The following PTCH1 variants were observed in gnomAD, a reference collection of about 807,000 sequenced individuals.
PTCH1 encodes protein patched homolog 1.
In PTCH1, 14 loss-of-function variants were observed where a neutral mutation model predicts 144.6. The observed-to-expected ratio is 0.10, with a 90% CI of 0.06 to 0.15. The LOEUF is 0.15. Ranked by LOEUF, PTCH1 falls within the 10% of genes least tolerant of loss-of-function variation. The pLI is 1.00. For synonymous variants in PTCH1, 833 were observed against 793.6 expected (o/e 1.05, Z -0.83); for missense variants, 1,623 against 1,948.3 (o/e 0.83, Z 3.14).
chr9:95,456,365 G>C lies in PTCH1; in HGVS notation c.3217C>G (p.Leu1073Val), dbSNP rs1336953843. 1 of 1,614,098 alleles carries C rather than the reference G, an allele frequency of 6.2e-7. No individual in the cohort carries two copies. Among genetic ancestry groups the C allele is most frequent in the Non-Finnish European group, 8.5e-7 (1 of 1,180,040 alleles). The part of the protein sequence containing the change: ...MTVELFGMMG[L>V]IGIKLSAVPV... ...ACGGCACTGAGCTTGATTCCGATGA[G>C]GCCCATCATGCCGAACAGCTCGACC... Residue 1073 changes from leucine to valine, a missense_variant, in exon 19 of 24, where the codon CTC (leucine) becomes GTC (valine). By Grantham distance (32) the Leu-to-Val change is conservative. This residue lies in a region of PTCH1 where 504 missense variants were observed against 679.3 expected (regional missense o/e 0.74). Coordinates refer to ENST00000331920, the MANE Select transcript of PTCH1 (RefSeq NM_000264.5).
intron 13 of PTCH1, 97 bp downstream of exon 13, chr9:95,469,716 G>A (rs1444393534): frequency 1.1e-5 from 13 of 1,223,436 alleles, no homozygotes; most frequent in Admixed American, 1.7e-5. Context: ...CACAAACCCC[G>A]TTACCCACAT....
At chr9:95,480,166 A>G in intron 6 of PTCH1, 76 bp from the exon 7 acceptor site, 5 of 1,601,682 alleles carry the variant, frequency 3.1e-6, no homozygotes, top group Non-Finnish European at 4.3e-6. Flanking sequence ...CCAGTGCATT[A>G]AGGGCTTGTG....
At chr9:95,482,334 G>T in intron 3 of PTCH1, 131 bp from the exon 4 acceptor site, 1 of 903,616 alleles carries the variant, frequency 1.1e-6, no homozygotes, top group South Asian at 1.5e-5. Context: ...AACGAGCAGA[G>T]CTTTTGCCAA....
rs2118907486 is a variant in PTCH1, at chr9:95,508,219, T to C, written c.143A>G (p.Asp48Gly). The change falls in exon 1 of 24, where the codon GAC becomes GGC. Residue 48 changes from aspartate (D) to glycine (G), a missense_variant. This residue lies in a region of PTCH1 where 245 missense variants were observed against 240.6 expected (regional missense o/e 1.02). Coordinates refer to ENST00000331920, the MANE Select transcript of PTCH1 (RefSeq NM_000264.5). ...GCAGTAGCTGGGCCGGTGCAGATAG[T>C]CCCGGTCCGGCGCGGCAGCACGGCG... ...GLRRAAAPDR[D>G]YLHRPSYCDA... 6.2e-7 allele frequency: 1 copy of C among 1,611,544 alleles called. No individual in the cohort carries two copies. Among genetic ancestry groups the C allele is most frequent in the South Asian group, 1.1e-5 (1 of 91,022 alleles).
Position 95,469,158 on chromosome 9 carries a change from A to G in PTCH1, c.1848-5T>C. 1 of 1,614,018 alleles carries G rather than the reference A, an allele frequency of 6.2e-7. No homozygotes were observed. The highest frequency in any genetic ancestry group is 8.5e-7 in the Non-Finnish European group (1 of 1,180,024). On this transcript the variant is annotated splice_region_variant and splice_polypyrimidine_tract_variant and intron_variant, in intron 13 of 23. Transcript: ENST00000331920. ...ATCACTCTGCTGACGCAGGGGCTGA[A>G]AGGAGGGGAAACATGTTGCAATGTT...
At chr9:95,474,741 C>T (rs753430635) in intron 12 of PTCH1, among the ~76,000 whole-genome samples, 5 of 152,254 alleles carry the variant, frequency 3.3e-5, no homozygotes, top group Non-Finnish European at 7.4e-5. Flanking sequence ...GTTCCTCTTA[C>T]ATGACAAATG....
At chr9:95,495,722 T>G (rs564478942) in intron 2 of PTCH1, among the ~76,000 whole-genome samples, 1 of 152,110 alleles carries the variant, frequency 6.6e-6, no homozygotes, top group East Asian at 1.9e-4. Context: ...AATAAGACAA[T>G]GTGGGCAGGA....
chr9:95,489,631 C>T (rs1325951417), intron 2 of PTCH1, among the ~76,000 whole-genome samples: 2 of 152,070 alleles, frequency 1.3e-5, no homozygotes, highest in African/African-American at 4.8e-5. Context: ...GGATTTCAGG[C>T]ATGACTTTTT....
At position 95,508,384 on chromosome 9, in the gene PTCH1, CCGCG is replaced by C; in HGVS notation, c.-27_-24del. 1 of 1,148,408 alleles carries C rather than the reference CCGCG, an allele frequency of 8.7e-7. No homozygotes were observed. Among genetic ancestry groups the C allele is most frequent in the Non-Finnish European group, 1.1e-6 (1 of 936,508 alleles). 71.1% of individuals were successfully genotyped at this position (1,148,408 alleles called of 1,614,324 possible). On this transcript the variant is annotated 5_prime_UTR_variant, in exon 1 of 24. Transcript: ENST00000331920. Reference sequence around the variant, plus strand: ...CATGTTGCCGCCGCCGCCGCCGCCGCCGCGGGGACGGAGGCTTCCCGGGCGGCCC... The same window carrying C: ...CATGTTGCCGCCGCCGCCGCCGCCGCGGGACGGAGGCTTCCCGGGCGGCCC...
intron 1 of PTCH1, chr9:95,507,138 G>A (rs1843739090): frequency 4.3e-6 from 4 of 919,578 alleles, no homozygotes; most frequent in African/African-American, 2.7e-5. Context: ...GGTGAGCGCG[G>A]CCGCCGGAGT....
intron 15 of PTCH1, among the ~76,000 whole-genome samples, chr9:95,463,444 C>T (rs1477434837): frequency 6.6e-6 from 1 of 152,142 alleles, no homozygotes; most frequent in Non-Finnish European, 1.5e-5. Flanking sequence ...GAGGCATGCA[C>T]ACACAGGGTA....
exon 1 of PTCH1, chr9:95,516,617 C>T: frequency 1.2e-6 from 2 of 1,608,140 alleles, no homozygotes; most frequent in Non-Finnish European, 1.7e-6. Flanking sequence ...CTCGTCTCCC[C>T]CTTGCCTTGT....
At chr9:95,488,006 C>T (rs578157552) in intron 2 of PTCH1, among the ~76,000 whole-genome samples, 1 of 152,156 alleles carries the variant, frequency 6.6e-6, no homozygotes, top group Admixed American at 6.5e-5. Flanking sequence ...ATATAATCCT[C>T]GAAGTGACCT....
chr9:95,506,043 G>C (rs1010597856), intron 2 of PTCH1, among the ~76,000 whole-genome samples: 5 of 148,172 alleles, frequency 3.4e-5, no homozygotes, highest in Admixed American at 1.3e-4. Flanking sequence ...AGCGGGGCCG[G>C]GAGAGGCCAG....
chr9:95,447,715 G>GC (rs1838086790), intron 22 of PTCH1, among the ~76,000 whole-genome samples: 1 of 152,226 alleles, frequency 6.6e-6, no homozygotes, highest in African/African-American at 2.4e-5. Context: ...ATAAATGTGG[G>GC]CTGTGGTCAG....
At chr9:95,481,885 C>G (rs2118455468) in intron 5 of PTCH1, 64 bp downstream of exon 5, 1 of 1,365,788 alleles carries the variant, frequency 7.3e-7, no homozygotes, top group Non-Finnish European at 1.0e-6. Context: ...CAATGATAAG[C>G]AACATTAGAA....
At chr9:95,506,218 A>G (rs1843611849) in intron 2 of PTCH1, 189 bp downstream of exon 2, 3 of 617,696 alleles carry the variant, frequency 4.9e-6, no homozygotes, top group South Asian at 4.1e-5. Flanking sequence ...CCCCGAGTAG[A>G]TTACAGCGCG....
At chr9:95,496,497 G>C (rs962661248) in intron 2 of PTCH1, among the ~76,000 whole-genome samples, 1 of 149,074 alleles carries the variant, frequency 6.7e-6, no homozygotes, top group African/African-American at 2.5e-5. Context: ...CAAAAAGGGA[G>C]AGAGATTTCT....
chr9:95,476,015 T>C lies in PTCH1; in HGVS notation c.1728+19A>G, dbSNP rs774363073. 6.2e-7 allele frequency: 1 copy of C among 1,613,130 alleles called. No individual in the cohort carries two copies. The highest frequency in any genetic ancestry group is 1.1e-5 in the South Asian group (1 of 91,018). ...TGCCCCGTTCAGGATCACCACAGCC[T>C]TCATCACCAGAAGCTCACCTGGAGG... is the stretch of plus-strand genomic sequence containing the variant. On this transcript the variant is annotated intron_variant, in intron 12 of 23. Coordinates refer to ENST00000331920, the MANE Select transcript of PTCH1 (RefSeq NM_000264.5). The surrounding 1 kb of genome is among the most constrained non-coding windows in gnomAD (Gnocchi z 4.6).
Sources: gnomAD v4.1 joint callset for allele counts (sites outside exome capture counted in the v4.1 genomes callset) on GRCh38, gnomAD v4.1.1 for gene constraint, gnomAD v4.1.1 regional missense constraint, Gnocchi (gnomAD v3.1) non-coding constraint, MANE v1.5 for transcripts, NCBI Gene and HGNC (gene_info 2026-07-23, HGNC 2026-07-21) for gene names.